OTUD7B: variants seen among roughly 807,000 people sequenced by gnomAD.
OTUD7B encodes the protein OTU domain-containing protein 7B.
In OTUD7B, 34 loss-of-function variants were observed where a neutral mutation model predicts 82.2. The observed-to-expected ratio is 0.41, with a 90% CI of 0.31 to 0.55. The LOEUF is 0.55. Ranked by LOEUF, OTUD7B falls within the 20% of genes least tolerant of loss-of-function variation. The pLI is 0.20. For synonymous variants in OTUD7B, 398 were observed against 402.7 expected (o/e 0.99, Z 0.14); for missense variants, 944 against 1,062.1 (o/e 0.89, Z 1.55).
chr1:150,046,040 C>T, the OTUD7B span, among the ~76,000 whole-genome samples: 5 of 152,050 alleles, frequency 3.3e-5, no homozygotes, highest in Admixed American at 3.3e-4. Context: ...CAATAAAATA[C>T]AAAGGCAAAT....
the OTUD7B span, among the ~76,000 whole-genome samples, chr1:150,025,150 G>A: frequency 0.022 from 3,331 of 152,008 alleles, 119 homozygotes; most frequent in African/African-American, 0.076. Context: ...GGCTGGGCGC[G>A]GTGCCTCATG....
chr1:149,960,454 G>A (rs1175060245), intron 6 of OTUD7B, among the ~76,000 whole-genome samples: 1 of 117,698 alleles, frequency 8.5e-6, no homozygotes, highest in Non-Finnish European at 1.6e-5. Flanking sequence ...GCACAATCTC[G>A]GCTCACTGCA....
intron 7 of OTUD7B, among the ~76,000 whole-genome samples, chr1:149,957,733 T>C (rs1323862336): frequency 6.6e-6 from 1 of 151,918 alleles, no homozygotes; most frequent in Non-Finnish European, 1.5e-5. Context: ...GCCTCAGCAA[T>C]GGCGGACGCC....
chr1:150,067,639 G>C, the OTUD7B span: 1 of 514,298 alleles, frequency 1.9e-6, no homozygotes, highest in Middle Eastern at 5.1e-4. Context: ...GCGTGGCAGC[G>C]GCCCAGGCCG....
chr1:150,021,323 G>A, the OTUD7B span, among the ~76,000 whole-genome samples: 1 of 152,184 alleles, frequency 6.6e-6, no homozygotes, highest in East Asian at 1.9e-4. Flanking sequence ...GGTCCTAGAG[G>A]CTGGGAGGAC....
intron 7 of OTUD7B, among the ~76,000 whole-genome samples, chr1:149,954,036 A>C (rs1292781612): frequency 2.6e-5 from 4 of 152,102 alleles, no homozygotes; most frequent in African/African-American, 4.8e-5. Flanking sequence ...AATACCCTTT[A>C]TTTCTTTCTC....
At chr1:150,046,174 A>G in the OTUD7B span, among the ~76,000 whole-genome samples, 3 of 152,130 alleles carry the variant, frequency 2.0e-5, no homozygotes, top group Non-Finnish European at 2.9e-5. Context: ...ACAGAGTTGC[A>G]GTTGTGTGGC....
intron 1 of OTUD7B, among the ~76,000 whole-genome samples, chr1:149,981,902 C>T (rs1441038531): frequency 1.3e-5 from 2 of 152,212 alleles, no homozygotes; most frequent in Non-Finnish European, 2.9e-5. Context: ...GTAATCCCAG[C>T]ACTTTGGGAG....
At chr1:149,979,849 T>C (rs1407708457) in intron 1 of OTUD7B, among the ~76,000 whole-genome samples, 1 of 152,120 alleles carries the variant, frequency 6.6e-6, no homozygotes, top group Non-Finnish European at 1.5e-5. Flanking sequence ...GAGGAAGTGG[T>C]AGCAGCTCAA....
Position 149,949,719 on chromosome 1 carries a change from A to G in OTUD7B, c.1033T>C (p.Cys345Arg), listed in dbSNP as rs1553772918. Residue 345 changes from cysteine to arginine, a missense_variant, in exon 9 of 12, where the codon TGT becomes CGT. By Grantham distance (180) the Cys-to-Arg change is radical (BLOSUM62 -3). Transcript: ENST00000581312. ...GCGAGCACCAGAGGGGAGCGGTGAC[A>G]CTGGCTGGCTGGGACCTCCAAAGGC... is the stretch of plus-strand genomic sequence containing the variant. ...YLPLEVPASQ[C>R]HRSPLVLAYD... 2 of 1,614,174 alleles carry G rather than the reference A, an allele frequency of 1.2e-6. No homozygotes were observed. The highest frequency in any genetic ancestry group is 2.2e-5 in the South Asian group (2 of 91,086).
At chr1:150,025,074 A>C in the OTUD7B span, among the ~76,000 whole-genome samples, 2,013 of 151,546 alleles carry the variant, frequency 0.013, 55 homozygotes, top group African/African-American at 0.046. Context: ...CAAAACAAAC[A>C]AAAAAACCCA....
chr1:149,964,893 CT>C (rs1649423024), intron 5 of OTUD7B, among the ~76,000 whole-genome samples: 2,724 of 135,232 alleles, frequency 0.02, 84 homozygotes, highest in African/African-American at 0.069. Context: ...CACGCCTGAC[CT>C]TTTTTTTTTT....
chr1:150,021,096 T>C, the OTUD7B span, among the ~76,000 whole-genome samples: 314 of 152,368 alleles, frequency 2.1e-3, no homozygotes, highest in African/African-American at 7.1e-3. Context: ...ATTTTTTTAA[T>C]AGCAAATACA....
intron 7 of OTUD7B, among the ~76,000 whole-genome samples, chr1:149,957,586 T>G (rs1648780137): frequency 6.6e-6 from 1 of 152,240 alleles, no homozygotes; most frequent in Non-Finnish European, 1.5e-5. Flanking sequence ...CGTTTAAGTC[T>G]GCAGAAGTTC....
intron 1 of OTUD7B, among the ~76,000 whole-genome samples, chr1:149,997,912 A>G (rs1405248930): frequency 2.6e-5 from 4 of 152,164 alleles, no homozygotes; most frequent in Non-Finnish European, 4.4e-5. Context: ...GATACACACC[A>G]AGTCCTACTA....
the OTUD7B span, among the ~76,000 whole-genome samples, chr1:150,036,203 C>T: frequency 6.6e-6 from 1 of 151,118 alleles, no homozygotes; most frequent in Non-Finnish European, 1.5e-5. Flanking sequence ...ATCCTCCCAC[C>T]TGGGCATCCC....
At chr1:150,025,528 A>G in the OTUD7B span, among the ~76,000 whole-genome samples, 2 of 152,074 alleles carry the variant, frequency 1.3e-5, no homozygotes, top group African/African-American at 4.8e-5. Context: ...AATTCTCTGT[A>G]GCCTCTATTA....
chr1:150,067,634 GCAGCGGCCCA>G, the OTUD7B span: 1 of 511,892 alleles, frequency 2.0e-6, no homozygotes, highest in Non-Finnish European at 3.5e-6. Flanking sequence ...CCCGCGCGTG[GCAGCGGCCCA>G]GGCCGTCTCA....
At position 149,944,949 on chromosome 1, in the gene OTUD7B, C is replaced by T. The variant is rs782393671; in HGVS notation, c.1440G>A (p.Glu480=). ...ESVGSSSTSN[E]GGRRKEKSKR... is the part of the protein sequence containing the mutation. The stretch of plus-strand genomic sequence containing the variant: ...TTGACTTCTCCTTCCGCCGGCCGCC[C>T]TCGTTGCTGGTGGAACTGCTGCCAA... Residue 480 remains glutamate, a synonymous_variant, in exon 12 of 12, where the codon GAG becomes GAA. Coordinates refer to ENST00000581312, the MANE Select transcript of OTUD7B (RefSeq NM_020205.4). 9 of 1,614,088 alleles carry T rather than the reference C, an allele frequency of 5.6e-6. No homozygotes were observed. The East Asian group carries it at 1.3e-4, about 24-fold the overall frequency.
Sources: allele counts gnomAD v4.1 joint callset (sites outside exome capture counted in the v4.1 genomes callset), GRCh38; gene constraint gnomAD v4.1.1; transcripts MANE v1.5; gene names NCBI Gene and HGNC (gene_info 2026-07-23, HGNC 2026-07-21).